The following OR3A2 variants were observed in gnomAD, a reference collection of about 807,000 sequenced individuals.
The protein encoded by OR3A2 is olfactory receptor 3A2.
For missense variants in OR3A2, 318 were observed against 392.8 expected, an observed-to-expected ratio of 0.81 and a Z score of 1.61; for synonymous variants, 126 against 159.3, an observed-to-expected ratio of 0.79 and a Z score of 1.57.
At chr17:3,310,298 G>A (rs775115933) in intron 3 of OR3A2, 8 of 528,304 alleles carry the variant, frequency 1.5e-5, no homozygotes, top group Non-Finnish European at 2.7e-5. Context: ...TCCACTGCTA[G>A]TGGAAGACAG....
intron 2 of OR3A2, among the ~76,000 whole-genome samples, chr17:3,338,103 C>T (rs2049286786): frequency 6.6e-6 from 1 of 152,140 alleles, no homozygotes; most frequent in Non-Finnish European, 1.5e-5. Context: ...TATGCTTTGC[C>T]CACTTTTTGA....
chr17:3,277,912 T>G (rs2048749606), exon 2 of OR3A2: 3 of 1,520,126 alleles, frequency 2.0e-6, no homozygotes, highest in Non-Finnish European at 2.6e-6. Flanking sequence ...GGTTACTGTC[T>G]TCATGGGAAA....
chr17:3,289,713 G>C (rs1316198624), intron 3 of OR3A2, among the ~76,000 whole-genome samples: 1 of 152,158 alleles, frequency 6.6e-6, no homozygotes, highest in Non-Finnish European at 1.5e-5. Context: ...GTCAAGAACA[G>C]ACCCAGAGGA....
intron 2 of OR3A2, among the ~76,000 whole-genome samples, chr17:3,376,193 A>T (rs767504078): frequency 6.6e-6 from 1 of 152,170 alleles, no homozygotes; most frequent in Admixed American, 6.5e-5. Flanking sequence ...TTTGTTCCTT[A>T]TGAGTTGCTG....
At chr17:3,302,082 C>T (rs549199506) in intron 3 of OR3A2, among the ~76,000 whole-genome samples, 2 of 151,940 alleles carry the variant, frequency 1.3e-5, no homozygotes, top group Non-Finnish European at 2.9e-5. Context: ...CACTGCTCAA[C>T]GAAATAAAAG....
intron 2 of OR3A2, among the ~76,000 whole-genome samples, chr17:3,353,236 T>C (rs1033092074): frequency 6.6e-5 from 10 of 151,780 alleles, no homozygotes; most frequent in African/African-American, 2.4e-4. Flanking sequence ...ATGCTTTCCC[T>C]GAATCTTTGC....
chr17:3,366,964 G>T (rs986678219), intron 2 of OR3A2, among the ~76,000 whole-genome samples: 1 of 152,170 alleles, frequency 6.6e-6, no homozygotes, highest in East Asian at 1.9e-4. Flanking sequence ...ATAAGCCAGG[G>T]AGTGAGATTA....
intron 1 of OR3A2, among the ~76,000 whole-genome samples, 189 bp downstream of exon 3, chr17:3,284,169 C>A (rs1330971059): frequency 6.7e-6 from 1 of 149,156 alleles, no homozygotes; most frequent in East Asian, 1.9e-4. Flanking sequence ...CAGCAGGCTT[C>A]ATCTGAGAGA....
intron 2 of OR3A2, among the ~76,000 whole-genome samples, chr17:3,382,723 C>T (rs1804719236): frequency 6.6e-6 from 1 of 152,240 alleles, no homozygotes; most frequent in Admixed American, 6.5e-5. Flanking sequence ...GCCCTTTCCA[C>T]TCCCAAGCAT....
upstream of OR3A2, among the ~76,000 whole-genome samples, chr17:3,285,347 T>G (rs1411064509): frequency 1.3e-5 from 2 of 152,192 alleles, no homozygotes; most frequent in African/African-American, 4.8e-5. Flanking sequence ...TTTGACTTTG[T>G]ACAAGCTGCA....
At chr17:3,281,481 G>A (rs1038305179) in intron 1 of OR3A2, among the ~76,000 whole-genome samples, 3 of 151,984 alleles carry the variant, frequency 2.0e-5, no homozygotes, top group South Asian at 2.1e-4. Flanking sequence ...TGATCCACCC[G>A]CCTCAGCCTC....
chr17:3,348,318 C>T (rs989561662), intron 2 of OR3A2, among the ~76,000 whole-genome samples: 1 of 152,030 alleles, frequency 6.6e-6, no homozygotes, highest in Non-Finnish European at 1.5e-5. Flanking sequence ...GAAGTCCTTG[C>T]CCATGCCTAT....
At chr17:3,358,517 C>A (rs1251560077) in intron 2 of OR3A2, among the ~76,000 whole-genome samples, 1 of 151,550 alleles carries the variant, frequency 6.6e-6, no homozygotes, top group Non-Finnish European at 1.5e-5. Context: ...TTGAATTCTG[C>A]CTTAATTTTA....
intron 3 of OR3A2, chr17:3,291,666 C>A (rs1392020056): frequency 9.3e-6 from 15 of 1,604,738 alleles, no homozygotes; most frequent in Non-Finnish European, 1.2e-5. Flanking sequence ...TGTGAGCATC[C>A]TCCAGATGGC....
intron 3 of OR3A2, among the ~76,000 whole-genome samples, chr17:3,334,541 T>C (rs964055945): frequency 6.6e-6 from 1 of 152,184 alleles, no homozygotes; most frequent in Non-Finnish European, 1.5e-5. Context: ...TCATGCCTCA[T>C]TCTGGAAATT....
chr17:3,368,409 G>A (rs1229086912), intron 2 of OR3A2, among the ~76,000 whole-genome samples: 1 of 152,040 alleles, frequency 6.6e-6, no homozygotes, highest in African/African-American at 2.4e-5. Flanking sequence ...GTAGATTTTT[G>A]TATTAAGTGA....
rs546568676 is a variant in OR3A2 at position 3,361,786 on chromosome 17, C to T, written c.-179+22018G>A. Among the ~76,000 whole-genome samples, 31 of 151,548 alleles carry T rather than the reference C, an allele frequency of 2.0e-4. 1 individual carries two copies. The highest frequency in any genetic ancestry group is 3.4e-3 in the Middle Eastern group (1 of 294). On this transcript the variant is annotated intron_variant, in intron 2 of 4. Transcript: ENST00000573491. ...GAAGTCCAGTTGATCGAGGTGGATA[C>T]GCTTTTTGATGTGCTGCTGGATTCG...
chr17:3,314,815 C>G (rs927979049), intron 3 of OR3A2, among the ~76,000 whole-genome samples: 2 of 152,262 alleles, frequency 1.3e-5, no homozygotes, highest in South Asian at 4.1e-4. Context: ...ACACAGTACC[C>G]GATAGGCAGT....
chr17:3,384,877 A>C (rs778057413), intron 1 of OR3A2, among the ~76,000 whole-genome samples: 1 of 152,026 alleles, frequency 6.6e-6, no homozygotes, highest in African/African-American at 2.4e-5. Context: ...AATATTAACT[A>C]TATGATTCTT....
Sources: gnomAD v4.1 joint callset for allele counts (sites outside exome capture counted in the v4.1 genomes callset) on GRCh38, gnomAD v4.1.1 for gene constraint, MANE v1.5 for transcripts, NCBI Gene and HGNC (gene_info 2026-07-23, HGNC 2026-07-21) for gene names.